Variants in LRP1B observed in about 807,000 individuals in gnomAD.
The protein encoded by LRP1B is low-density lipoprotein receptor-related protein 1B.
LRP1B carries 217 observed loss-of-function variants against 556.6 expected under a neutral mutation model. The observed-to-expected ratio is 0.39, with a 90% confidence interval of 0.35 to 0.44. The LOEUF (loss-of-function observed/expected upper bound fraction) is 0.44. Among genes scored for constraint, LRP1B ranks in the 20% least tolerant of loss-of-function variants. The probability of loss-of-function intolerance (pLI) is 1.00; values close to 1 mark genes in which losing one functional copy is unlikely to be tolerated. For missense variants in LRP1B, 5,053 were observed against 5,620.8 expected (o/e 0.90, Z 3.23); for synonymous variants, 2,047 against 1,865.8 (o/e 1.10, Z -2.50).
chr2:140,604,246 G>A (rs993509614), intron 41 of LRP1B, among the ~76,000 whole-genome samples: 5 of 150,200 alleles, frequency 3.3e-5, no homozygotes, highest in Admixed American at 3.3e-4. Context: ...AAAAAAAAGA[G>A]TTTTCTTCCC....
intron 3 of LRP1B, among the ~76,000 whole-genome samples, chr2:141,389,670 G>A (rs954811916): frequency 1.3e-5 from 2 of 152,078 alleles, no homozygotes; most frequent in African/African-American, 4.8e-5. Flanking sequence ...GTGCATAAAA[G>A]GACATTACCA....
chr2:141,263,330 A>T (rs1432373961), intron 3 of LRP1B, among the ~76,000 whole-genome samples: 1 of 152,076 alleles, frequency 6.6e-6, no homozygotes. Context: ...GCAGCAGAAG[A>T]TATCACTACA....
At chr2:140,950,102 T>G in intron 20 of LRP1B, 133 bp downstream of exon 20, 1 of 582,650 alleles carries the variant, frequency 1.7e-6, no homozygotes, top group Non-Finnish European at 2.8e-6. Flanking sequence ...GCAAATGATT[T>G]TACACAGTTC....
At chr2:140,518,032 T>C (rs1362053194) in intron 49 of LRP1B, among the ~76,000 whole-genome samples, 3 of 152,056 alleles carry the variant, frequency 2.0e-5, no homozygotes, top group Non-Finnish European at 4.4e-5. Flanking sequence ...TAACTGGGTG[T>C]CATCTGTTCC....
chr2:141,738,216 A>G (rs1381473841), intron 2 of LRP1B, among the ~76,000 whole-genome samples: 1 of 152,166 alleles, frequency 6.6e-6, no homozygotes, highest in African/African-American at 2.4e-5. Flanking sequence ...AAAGAAAAAA[A>G]TTACATCATG....
Position 141,701,249 on chromosome 2 carries a change from A to G in LRP1B, c.205+109030T>C, listed in dbSNP as rs931492906. Among the ~76,000 whole-genome samples the G allele has an allele frequency of 2.6e-5, 4 of 151,854 alleles. No individual in the cohort carries two copies. The Admixed American group carries it at 2.6e-4, about 10-fold the overall frequency. On this transcript the variant is annotated intron_variant, in intron 2 of 90. Coordinates refer to ENST00000389484, the MANE Select transcript of LRP1B (RefSeq NM_018557.3). ...CAAATTCCTTAGTATTTCTTACTTCATTCTGCCACATCTGGTCCTCTAACC... is the reference window on the plus strand; with the variant it reads ...CAAATTCCTTAGTATTTCTTACTTCGTTCTGCCACATCTGGTCCTCTAACC...
In LRP1B at chr2:141,736,649, G is replaced by A. The variant is rs535510232; in HGVS notation, c.205+73630C>T. On this transcript the variant is annotated intron_variant, in intron 2 of 90. Coordinates refer to ENST00000389484, the MANE Select transcript of LRP1B (RefSeq NM_018557.3). ...TAAACAGCAGCTCTAGAAAAGCAACGCAGATGCCAACCTCATCACAGTGCC... is the reference window on the plus strand; with the variant it reads ...TAAACAGCAGCTCTAGAAAAGCAACACAGATGCCAACCTCATCACAGTGCC... Among the ~76,000 whole-genome samples the A allele has an allele frequency of 7.9e-5, 12 of 152,218 alleles. No individual in the cohort carries two copies. In the East Asian group the frequency reaches 1.2e-3, roughly 15 times the overall value.
intron 3 of LRP1B, among the ~76,000 whole-genome samples, chr2:141,260,281 A>C (rs1684636082): frequency 6.6e-6 from 1 of 152,226 alleles, no homozygotes; most frequent in South Asian, 2.1e-4. Context: ...AATTTGCTAC[A>C]TAACCATGGG....
At chr2:141,875,831 G>A (rs554292914) in intron 1 of LRP1B, among the ~76,000 whole-genome samples, 13 of 151,982 alleles carry the variant, frequency 8.6e-5, no homozygotes, top group East Asian at 5.8e-4. Flanking sequence ...GTATGTATGC[G>A]TATGTGTAGC....
At chr2:141,817,545 A>G (rs995907903) in intron 1 of LRP1B, among the ~76,000 whole-genome samples, 3 of 152,082 alleles carry the variant, frequency 2.0e-5, no homozygotes, top group African/African-American at 7.2e-5. Context: ...AAAAAAATGT[A>G]TATATATGAG....
chr2:140,716,035 A>G lies in LRP1B; in HGVS notation c.5961T>C (p.Arg1987=), dbSNP rs2105461604. 6.2e-7 allele frequency: 1 copy of G among 1,609,918 alleles called. No homozygotes were observed. The highest frequency in any genetic ancestry group is 1.1e-5 in the South Asian group (1 of 90,874). ...CCAGGCCTTGGGAAATAATTACATA[A>G]CGGAAAGAACCATTGAGTCTTGCAA... ...IEVARLNGSF[R]YVIISQGLDQ... Residue 1987 remains arginine (R), a synonymous_variant, in exon 37 of 91, where the codon CGT becomes CGC. Transcript: ENST00000389484.
chr2:141,592,925 A>G (rs1000566553), intron 2 of LRP1B, among the ~76,000 whole-genome samples: 4 of 152,296 alleles, frequency 2.6e-5, no homozygotes, highest in Non-Finnish European at 5.9e-5. Context: ...TATAATAGGA[A>G]AATCCTTTGA....
At chr2:141,647,040 G>A (rs1272627546) in intron 2 of LRP1B, among the ~76,000 whole-genome samples, 2 of 152,086 alleles carry the variant, frequency 1.3e-5, no homozygotes, top group Admixed American at 6.6e-5. Context: ...AGACTTCAAA[G>A]GGGTTATGGC....
chr2:141,070,326 A>T (rs1242306379), intron 7 of LRP1B, among the ~76,000 whole-genome samples: 25 of 150,790 alleles, frequency 1.7e-4, no homozygotes, highest in African/African-American at 5.1e-4. Context: ...GACACAACAT[A>T]CCAGAATCTC....
intron 2 of LRP1B, among the ~76,000 whole-genome samples, chr2:141,572,302 A>C (rs1416671838): frequency 6.6e-6 from 1 of 152,186 alleles, no homozygotes; most frequent in Non-Finnish European, 1.5e-5. Context: ...AAAAAATTTC[A>C]ACCCAAAATT....
chr2:140,523,032 C>T (rs1290634696), intron 49 of LRP1B, among the ~76,000 whole-genome samples: 3 of 152,028 alleles, frequency 2.0e-5, no homozygotes, highest in Non-Finnish European at 2.9e-5. Flanking sequence ...CTCCCTAACT[C>T]ATTCTATGAA....
At chr2:140,278,227 G>C (rs1232041027) in intron 84 of LRP1B, among the ~76,000 whole-genome samples, 1 of 151,966 alleles carries the variant, frequency 6.6e-6, no homozygotes, top group African/African-American at 2.4e-5. Flanking sequence ...AAAGGAGAGT[G>C]ATGAATAACA....
chr2:140,747,212 C>T (rs1054899976), intron 35 of LRP1B, among the ~76,000 whole-genome samples: 2 of 152,114 alleles, frequency 1.3e-5, no homozygotes, highest in Non-Finnish European at 2.9e-5. Context: ...AGTCTCTGCT[C>T]TGCTTGAAGT....
At chr2:140,999,428 GA>G (rs1430826292) in intron 15 of LRP1B, among the ~76,000 whole-genome samples, 3 of 151,972 alleles carry the variant, frequency 2.0e-5, no homozygotes, top group African/African-American at 7.2e-5. Flanking sequence ...AACAGTCTCA[GA>G]AAAAAATTTC....
Sources: gnomAD v4.1 joint callset for allele counts (sites outside exome capture counted in the v4.1 genomes callset) on GRCh38, gnomAD v4.1.1 for gene constraint, MANE v1.5 for transcripts, NCBI Gene and HGNC (gene_info 2026-07-23, HGNC 2026-07-21) for gene names.